The following PPP1R21 variants were observed in gnomAD, a reference collection of about 807,000 sequenced individuals.
PPP1R21 encodes KLRAQ motif containing 1.
PPP1R21 carries 85 observed loss-of-function variants against 112.8 expected under a neutral mutation model. That is an observed-to-expected ratio of 0.75 (90% CI 0.63 to 0.90). The LOEUF (loss-of-function observed/expected upper bound fraction) is 0.90, where lower values mean the gene tolerates loss of function less well. Ranked by LOEUF, PPP1R21 falls within the 40% of genes least tolerant of loss-of-function variation. PPP1R21 has a pLI of 0.00. For synonymous variants in PPP1R21, 381 were observed against 322.3 expected (o/e 1.18, Z -1.95); for missense variants, 1,199 against 901.5 (o/e 1.33, Z -4.23).
At chr2:48,465,663 A>AT (rs1286314802) in intron 9 of PPP1R21, 21 bp downstream of exon 9, 1 of 1,607,136 alleles carries the variant, frequency 6.2e-7, no homozygotes, top group Non-Finnish European at 8.5e-7. Flanking sequence ...TTCAGGATAC[A>AT]TTTTGTTTGC....
At chr2:48,498,864 T>C in intron 17 of PPP1R21, 129 bp downstream of exon 17, 1 of 954,962 alleles carries the variant, frequency 1.0e-6, no homozygotes, top group Middle Eastern at 3.4e-4. Flanking sequence ...GCTGAGCATC[T>C]TGTAAATCAC....
chr2:48,477,561 T>C (rs1177335603), intron 12 of PPP1R21, among the ~76,000 whole-genome samples: 1 of 152,220 alleles, frequency 6.6e-6, no homozygotes, highest in African/African-American at 2.4e-5. Context: ...GATTTATTTC[T>C]GGATTCTCAG....
At chr2:48,497,725 C>G (rs960219005) in intron 16 of PPP1R21, among the ~76,000 whole-genome samples, 1 of 149,556 alleles carries the variant, frequency 6.7e-6, no homozygotes, top group Admixed American at 6.7e-5. Flanking sequence ...TATCTCGGCT[C>G]ACTGCAAACT....
At chr2:48,495,847 C>T (rs752659552) in intron 16 of PPP1R21, 76 bp downstream of exon 16, 36 of 825,714 alleles carry the variant, frequency 4.4e-5, no homozygotes, top group Non-Finnish European at 6.7e-5. Flanking sequence ...TTTTAAGATA[C>T]GTAGAATGAT....
intron 1 of PPP1R21, among the ~76,000 whole-genome samples, chr2:48,450,123 T>G (rs1296323084): frequency 2.0e-5 from 3 of 152,166 alleles, no homozygotes; most frequent in African/African-American, 7.2e-5. Context: ...AGCCCAAGTT[T>G]TACCTCTTTC....
chr2:48,486,433 G>T (rs1669299652), intron 13 of PPP1R21, among the ~76,000 whole-genome samples, 198 bp from the exon 14 acceptor site: 1 of 152,148 alleles, frequency 6.6e-6, no homozygotes, highest in South Asian at 2.1e-4. Context: ...GGTGTTCAGA[G>T]ATCCTTACTT....
intron 12 of PPP1R21, among the ~76,000 whole-genome samples, chr2:48,475,463 A>T (rs569859980): frequency 1.3e-5 from 2 of 152,320 alleles, no homozygotes; most frequent in East Asian, 1.9e-4. Context: ...GGAACACATC[A>T]TAAGAATTTG....
intron 15 of PPP1R21, among the ~76,000 whole-genome samples, chr2:48,495,137 A>G (rs1225045760): frequency 6.6e-6 from 1 of 152,278 alleles, no homozygotes; most frequent in Non-Finnish European, 1.5e-5. Flanking sequence ...GCACCATCGT[A>G]AAGTCATCAG....
intron 1 of PPP1R21, among the ~76,000 whole-genome samples, chr2:48,444,719 A>T (rs1443121359): frequency 6.6e-6 from 1 of 152,214 alleles, no homozygotes; most frequent in Admixed American, 6.5e-5. Flanking sequence ...ATTGAATCTG[A>T]AACTAGCAGT....
chr2:48,498,517 T>A lies in PPP1R21; in HGVS notation c.1717T>A (p.Ser573Thr), dbSNP rs887395503. The A allele has an allele frequency of 5.0e-6, 8 of 1,614,052 alleles. No individual in the cohort carries two copies. The highest frequency in any genetic ancestry group is 6.8e-6 in the Non-Finnish European group (8 of 1,180,012). Residue 573 changes from serine to threonine, a missense_variant, in exon 17 of 22, where the codon TCT becomes ACT. Physicochemically the swap from Ser to Thr is moderately conservative, Grantham distance 58. Transcript: ENST00000294952. Reference protein sequence around the residue: ...QQVQQSLEKISKLEQEKEHWM... With the variant: ...QQVQQSLEKITKLEQEKEHWM... ...GGTTCAACAGAGTTTGGAAAAGATT[T>A]CTAAACTGGAGCAGGAAAAAGAACA...
In PPP1R21 at chr2:48,510,030, A is replaced by C; in HGVS notation, c.2101A>C (p.Lys701Gln). ...GATTTTACAGTGCCGAGCACTGTCT[A>C]AAAGACTGGCCTTGGCTGAAAAGTC... ...HFYAECRALS[K>Q]RLALAEKSKE... Residue 701 changes from lysine (K) to glutamine (Q), a missense_variant, in exon 20 of 22, where the codon AAA (lysine) becomes CAA (glutamine). Physicochemically the swap from Lys to Gln is moderately conservative, Grantham distance 53. Transcript: ENST00000294952. 1 of 1,613,754 alleles carries C rather than the reference A, an allele frequency of 6.2e-7. No individual in the cohort carries two copies. The highest frequency in any genetic ancestry group is 8.5e-7 in the Non-Finnish European group (1 of 1,179,710).
At chr2:48,500,115 T>C (rs1670042493) in intron 17 of PPP1R21, among the ~76,000 whole-genome samples, 1 of 152,202 alleles carries the variant, frequency 6.6e-6, no homozygotes, top group African/African-American at 2.4e-5. Context: ...TAGTTAAATA[T>C]ACAAACCAGA....
intron 17 of PPP1R21, among the ~76,000 whole-genome samples, chr2:48,502,431 A>G (rs1670159207): frequency 6.7e-6 from 1 of 148,776 alleles, no homozygotes. Context: ...GCTTTCCTTG[A>G]TGTTTCTACT....
At chr2:48,476,810 G>A (rs986051470) in intron 12 of PPP1R21, among the ~76,000 whole-genome samples, 6 of 152,062 alleles carry the variant, frequency 3.9e-5, no homozygotes, top group Admixed American at 1.3e-4. Flanking sequence ...TTATTATTGA[G>A]TTATAAGAGT....
chr2:48,476,994 A>G (rs1016196472), intron 12 of PPP1R21, among the ~76,000 whole-genome samples: 14 of 151,856 alleles, frequency 9.2e-5, no homozygotes, highest in Middle Eastern at 3.2e-3. Flanking sequence ...GATGCTTTTG[A>G]TGTCATATCT....
intron 7 of PPP1R21, among the ~76,000 whole-genome samples, chr2:48,462,365 T>G (rs1247059695): frequency 6.6e-6 from 1 of 152,136 alleles, no homozygotes; most frequent in Non-Finnish European, 1.5e-5. Flanking sequence ...TGTAGAAATG[T>G]CAATAATATA....
intron 11 of PPP1R21, among the ~76,000 whole-genome samples, chr2:48,474,385 C>G (rs893435400): frequency 6.6e-6 from 1 of 151,944 alleles, no homozygotes; most frequent in Non-Finnish European, 1.5e-5. Context: ...CCGTCTCAAA[C>G]AAAAAAGAAA....
intron 2 of PPP1R21, among the ~76,000 whole-genome samples, chr2:48,452,896 C>CATGCAGGTAATGTCAGTAGAGTGT (rs1243516437): frequency 6.6e-6 from 1 of 151,218 alleles, no homozygotes; most frequent in Non-Finnish European, 1.5e-5. Flanking sequence ...CTTTTCTCAA[C>CATGCAGGTAATGTCAGTAGAGTGT]ATGCAGGTAA....
chr2:48,451,845 C>T (rs1264941107), intron 2 of PPP1R21, among the ~76,000 whole-genome samples: 3 of 152,034 alleles, frequency 2.0e-5, no homozygotes, highest in Admixed American at 6.6e-5. Context: ...TTGGATAAGC[C>T]CCTGATCAGT....
Sources: gnomAD v4.1 joint callset for allele counts (sites outside exome capture counted in the v4.1 genomes callset) on GRCh38, gnomAD v4.1.1 for gene constraint, MANE v1.5 for transcripts, NCBI Gene and HGNC (gene_info 2026-07-23, HGNC 2026-07-21) for gene names.